Variants in ZFYVE9 observed in about 807,000 individuals in gnomAD.
ZFYVE9 encodes zinc finger FYVE-type containing 9.
ZFYVE9 carries 43 observed loss-of-function variants against 126.7 expected under a neutral mutation model. That is an observed-to-expected ratio of 0.34 (90% CI 0.27 to 0.44). ZFYVE9 has a LOEUF of 0.44. Among genes scored for constraint, ZFYVE9 ranks in the 20% least tolerant of loss-of-function variants. The probability of loss-of-function intolerance (pLI) is 1.00; values close to 1 mark genes in which losing one functional copy is unlikely to be tolerated. For synonymous variants in ZFYVE9, 521 were observed against 597.4 expected (o/e 0.87, Z 1.87); for missense variants, 1,476 against 1,697.0 (o/e 0.87, Z 2.29).
At chr1:52,261,787 G>C (rs953414306) in intron 4 of ZFYVE9, among the ~76,000 whole-genome samples, 2 of 152,176 alleles carry the variant, frequency 1.3e-5, no homozygotes, top group African/African-American at 4.8e-5. Flanking sequence ...AGAGATAGGA[G>C]AAGATGTGAT....
intron 2 of ZFYVE9, among the ~76,000 whole-genome samples, chr1:52,225,449 G>A (rs538391649): frequency 2.6e-5 from 4 of 152,306 alleles, no homozygotes; most frequent in East Asian, 1.9e-4. Context: ...TACTTCTGCC[G>A]AAGGGTGCTG....
intron 2 of ZFYVE9, among the ~76,000 whole-genome samples, chr1:52,219,750 TGTGTGTGTGTG>T (rs1645105908): frequency 1.3e-4 from 1 of 7,466 alleles, no homozygotes; most frequent in African/African-American, 3.8e-4. Context: ...CAAGATCTTT[TGTGTGTGTGTG>T]TGTGTGTGTG....
intron 1 of ZFYVE9, among the ~76,000 whole-genome samples, chr1:52,204,606 A>AGG (rs1319507398): frequency 6.6e-6 from 1 of 152,032 alleles, no homozygotes; most frequent in Non-Finnish European, 1.5e-5. Context: ...GTGTGCCTGT[A>AGG]ATCCCAGCTA....
chr1:52,292,184 A>G (rs1196225738), intron 10 of ZFYVE9, among the ~76,000 whole-genome samples: 1 of 147,396 alleles, frequency 6.8e-6, no homozygotes, highest in Non-Finnish European at 1.5e-5. Flanking sequence ...CAGGAGGCTG[A>G]GGTGAGAGGA....
At chr1:52,201,504 G>C (rs1028021176) in intron 1 of ZFYVE9, among the ~76,000 whole-genome samples, 1 of 150,316 alleles carries the variant, frequency 6.7e-6, no homozygotes, top group African/African-American at 2.5e-5. Flanking sequence ...AGCCTCCCAA[G>C]TAGCTGGGAT....
chr1:52,263,078 CAAAAAAAAAA>C (rs759753454), intron 4 of ZFYVE9, among the ~76,000 whole-genome samples: 3 of 70,344 alleles, frequency 4.3e-5, no homozygotes, highest in Non-Finnish European at 9.3e-5. Flanking sequence ...AATTGTGTCT[CAAAAAAAAAA>C]AAAAAAAAAG....
intron 2 of ZFYVE9, among the ~76,000 whole-genome samples, chr1:52,220,947 C>T (rs1645119281): frequency 6.6e-6 from 1 of 152,182 alleles, no homozygotes; most frequent in Non-Finnish European, 1.5e-5. Context: ...GGGACATGGA[C>T]AACTGCAATT....
chr1:52,291,856 A>AG (rs1645923454), intron 10 of ZFYVE9, among the ~76,000 whole-genome samples: 1 of 140,186 alleles, frequency 7.1e-6, no homozygotes, highest in Non-Finnish European at 1.5e-5. Flanking sequence ...CCAGGGTTCC[A>AG]GGGTGGGTAA....
At chr1:52,265,060 A>ATT (rs958355846) in intron 5 of ZFYVE9, among the ~76,000 whole-genome samples, 1 of 152,128 alleles carries the variant, frequency 6.6e-6, no homozygotes, top group African/African-American at 2.4e-5. Flanking sequence ...TTGATAGCTA[A>ATT]TTTTTTTAAC....
intron 13 of ZFYVE9, among the ~76,000 whole-genome samples, chr1:52,320,847 TTCA>T (rs1291890419): frequency 1.3e-5 from 2 of 152,192 alleles, no homozygotes; most frequent in East Asian, 1.9e-4. Flanking sequence ...ATATGTGTAA[TTCA>T]TCAGTTATTT....
intron 1 of ZFYVE9, among the ~76,000 whole-genome samples, chr1:52,173,928 T>C (rs1254420870): frequency 6.6e-6 from 1 of 152,020 alleles, no homozygotes; most frequent in African/African-American, 2.4e-5. Context: ...GGTCTATCAG[T>C]TTTGTTGATC....
chr1:52,268,524 A>C lies in ZFYVE9; in HGVS notation c.2517A>C (p.Glu839Asp). The change falls in exon 7 of 19, where the codon GAA (glutamate) becomes GAC (aspartate). Residue 839 changes from glutamate (E) to aspartate (D), a missense_variant. Physicochemically the swap from Glu to Asp is conservative, Grantham distance 45 (BLOSUM62 2). Around this residue, in one of 2 missense-constraint regions of ZFYVE9, gnomAD observed 669 missense variants for 902.4 expected, o/e 0.74. Coordinates refer to ENST00000287727, the MANE Select transcript of ZFYVE9 (RefSeq NM_004799.4). ...WFADGILPNG[E>D]VADAAKLTMN... is the part of the protein sequence containing the mutation. ...CTGATGGGATCTTGCCCAATGGAGA[A>C]GTTGCTGATGCAGCCAAATTAACAA... 6.2e-7 allele frequency: 1 copy of C among 1,614,212 alleles called. No homozygotes were observed. The highest frequency in any genetic ancestry group is 8.5e-7 in the Non-Finnish European group (1 of 1,180,026).
At chr1:52,145,660 T>C (rs1380023683) in intron 1 of ZFYVE9, among the ~76,000 whole-genome samples, 1 of 152,152 alleles carries the variant, frequency 6.6e-6, no homozygotes, top group Non-Finnish European at 1.5e-5. Context: ...GTGTTTGTCA[T>C]GTAGGAGGTG....
intron 10 of ZFYVE9, among the ~76,000 whole-genome samples, chr1:52,283,486 A>T (rs1645824758): frequency 6.6e-6 from 1 of 152,242 alleles, no homozygotes. Flanking sequence ...TTTCAGGATA[A>T]GCAAATGTAT....
In ZFYVE9 at chr1:52,272,673, C is replaced by CTTTTTTTTTTTTTTTTTTT. The variant is rs58857376; in HGVS notation, c.2626-1789_2626-1771dup. ...ATGAAATGAAGCTGCTAGAAATAAT[C>CTTTTTTTTTTTTTTTTTTT]TTTTTTTTTTTTTTTTTTTTGAGTC... is the stretch of plus-strand genomic sequence containing the variant. On this transcript the variant is annotated intron_variant, in intron 7 of 18. Coordinates refer to ENST00000287727, the MANE Select transcript of ZFYVE9 (RefSeq NM_004799.4). Among the ~76,000 whole-genome samples the CTTTTTTTTTTTTTTTTTTT allele has an allele frequency of 2.5e-4, 30 of 121,262 alleles. 1 individual carries two copies. The highest frequency in any genetic ancestry group is 1.9e-3 in the South Asian group (7 of 3,740). 79.6% of individuals were successfully genotyped at this position (121,262 alleles called of 152,430 possible).
intron 1 of ZFYVE9, among the ~76,000 whole-genome samples, chr1:52,171,603 T>C (rs547339308): frequency 6.6e-6 from 1 of 152,192 alleles, no homozygotes; most frequent in African/African-American, 2.4e-5. Context: ...TGAACTAGTT[T>C]ACAGTCCCAC....
intron 10 of ZFYVE9, among the ~76,000 whole-genome samples, chr1:52,286,989 C>T (rs1329836920): frequency 6.6e-6 from 1 of 152,156 alleles, no homozygotes; most frequent in Non-Finnish European, 1.5e-5. Flanking sequence ...TATCAGTTGT[C>T]CTAAATCTTA....
chr1:52,312,833 T>C (rs1382911240), intron 13 of ZFYVE9, among the ~76,000 whole-genome samples: 1 of 152,198 alleles, frequency 6.6e-6, no homozygotes, highest in East Asian at 1.9e-4. Context: ...ATGGATTGAA[T>C]TGTGTCCCTC....
In ZFYVE9 at chr1:52,346,418, C is replaced by G; in HGVS notation, c.*197C>G. On this transcript the variant is annotated 3_prime_UTR_variant, in exon 19 of 19. Coordinates refer to ENST00000287727, the MANE Select transcript of ZFYVE9 (RefSeq NM_004799.4). ...CCGATGTTCCATAATTCTAAGTCTT[C>G]TATGCATTGTCCACCAAGAAGATCT... is the stretch of plus-strand genomic sequence containing the variant. 1.8e-6 allele frequency: 1 copy of G among 543,746 alleles called. No homozygotes were observed. Among genetic ancestry groups the G allele is most frequent in the East Asian group, 3.0e-5 (1 of 33,112 alleles). 33.7% of individuals were successfully genotyped at this position (543,746 alleles called of 1,614,324 possible).
Sources: gnomAD v4.1 joint callset for allele counts (sites outside exome capture counted in the v4.1 genomes callset) on GRCh38, gnomAD v4.1.1 for gene constraint, gnomAD v4.1.1 regional missense constraint, MANE v1.5 for transcripts, NCBI Gene and HGNC (gene_info 2026-07-23, HGNC 2026-07-21) for gene names.